The following NUBPL variants were observed in gnomAD, a reference collection of about 807,000 sequenced individuals.
NUBPL encodes the protein NUBP iron-sulfur cluster assembly factor, mitochondrial.
Under a neutral mutation model 45.7 loss-of-function variants are expected in NUBPL, and 31 were observed. That is an observed-to-expected ratio of 0.68 (90% CI 0.51 to 0.92). NUBPL has a LOEUF of 0.92. NUBPL is among the 40% of genes least tolerant of loss of function. NUBPL has a pLI of 0.00. For synonymous variants in NUBPL, 144 were observed against 140.9 expected (o/e 1.02, Z -0.15); for missense variants, 401 against 398.7 (o/e 1.01, Z -0.05).
At position 31,769,059 on chromosome 14, in the gene NUBPL, G is replaced by A. The variant is rs78185990; in HGVS notation, c.514-18721G>A. Reference sequence around the variant, plus strand: ...CAAAAAAGAGGACAGGGAGTGGGCCGATACAGAGTTGTTAGGAATTCTCAT... The same window carrying A: ...CAAAAAAGAGGACAGGGAGTGGGCCAATACAGAGTTGTTAGGAATTCTCAT... On this transcript the variant is annotated intron_variant, in intron 6 of 10. Coordinates refer to ENST00000281081, the MANE Select transcript of NUBPL (RefSeq NM_025152.3). Among the ~76,000 whole-genome samples the A allele has an allele frequency of 4.4e-4, 67 of 152,272 alleles. 2 individuals are homozygous for A. In the East Asian group the frequency reaches 0.013, roughly 29 times the overall value.
chr14:31,677,514 A>T (rs565701809), intron 6 of NUBPL, among the ~76,000 whole-genome samples: 4 of 152,352 alleles, frequency 2.6e-5, no homozygotes, highest in African/African-American at 7.2e-5. Context: ...TATCTGCTTT[A>T]GGGGGCACCC....
chr14:31,732,056 G>T (rs12433797), intron 6 of NUBPL, among the ~76,000 whole-genome samples: 1 of 151,580 alleles, frequency 6.6e-6, no homozygotes, highest in Admixed American at 6.6e-5. Context: ...CAAAAAAGCC[G>T]GGCATGGTGT....
At chr14:31,591,451 T>A (rs2034140885) in intron 3 of NUBPL, among the ~76,000 whole-genome samples, 1 of 152,144 alleles carries the variant, frequency 6.6e-6, no homozygotes, top group Non-Finnish European at 1.5e-5. Flanking sequence ...CATGAGCCAC[T>A]GCGCCCAGCC....
rs749672974 is a variant in NUBPL, at chr14:31,562,157, T to A, written c.198T>A (p.Val66=). 43 of 1,613,986 alleles carry A rather than the reference T, an allele frequency of 2.7e-5. No homozygotes were observed. Among genetic ancestry groups the A allele is most frequent in the Admixed American group, 1.3e-4 (8 of 60,006 alleles). The part of the protein sequence containing the change: ...GLPKQKPIEG[V]KQVIVVASGK... ...CAAAGCAGAAACCGATAGAAGGTGT[T>A]AAACAAGTTATAGTTGTGGCTTCTG... The change falls in exon 2 of 11, where the codon GTT becomes GTA. Residue 66 remains valine, a synonymous_variant. Transcript: ENST00000281081.
chr14:31,593,177 A>G (rs2034188458), intron 3 of NUBPL, among the ~76,000 whole-genome samples: 1 of 152,156 alleles, frequency 6.6e-6, no homozygotes, highest in Non-Finnish European at 1.5e-5. Context: ...ATACGAGAGG[A>G]TGTGTACAGG....
chr14:31,739,220 A>ATAT (rs1208064181), intron 6 of NUBPL, among the ~76,000 whole-genome samples: 3 of 21,030 alleles, frequency 1.4e-4, no homozygotes, highest in African/African-American at 5.0e-4. Flanking sequence ...ATATTATATT[A>ATAT]TATATATATA....
intron 4 of NUBPL, among the ~76,000 whole-genome samples, chr14:31,621,822 A>G (rs1341199214): frequency 6.6e-6 from 1 of 152,194 alleles, no homozygotes; most frequent in Non-Finnish European, 1.5e-5. Flanking sequence ...AAAATGGACT[A>G]ATACAGGAAA....
At chr14:31,825,266 A>G (rs2040078581) in intron 7 of NUBPL, among the ~76,000 whole-genome samples, 1 of 152,034 alleles carries the variant, frequency 6.6e-6, no homozygotes, top group Admixed American at 6.6e-5. Context: ...TGTTTCTCCT[A>G]TGTCTAGCTT....
intron 3 of NUBPL, among the ~76,000 whole-genome samples, chr14:31,585,043 G>C (rs1010377990): frequency 6.6e-6 from 1 of 152,130 alleles, no homozygotes; most frequent in Non-Finnish European, 1.5e-5. Flanking sequence ...AGGGGACACA[G>C]ATATTCAGTC....
chr14:31,673,561 A>G lies in NUBPL; in HGVS notation c.500A>G (p.Lys167Arg). The change falls in exon 6 of 11, where the codon AAA becomes AGA. Residue 167 changes from lysine (K) to arginine (R), a missense_variant. Coordinates refer to ENST00000281081, the MANE Select transcript of NUBPL (RefSeq NM_025152.3). The stretch of plus-strand genomic sequence containing the variant: ...CTTATGGTAATGTCGGCCATTGAGA[A>G]ATTGTTGAGGCAGGTAAGAATATTG... ...RGLMVMSAIEKLLRQVDWGQL... is the reference protein window; with the variant it reads ...RGLMVMSAIERLLRQVDWGQL... 2 of 1,613,584 alleles carry G rather than the reference A, an allele frequency of 1.2e-6. No homozygotes were observed. Among genetic ancestry groups the G allele is most frequent in the Non-Finnish European group, 1.7e-6 (2 of 1,179,608 alleles).
intron 6 of NUBPL, chr14:31,771,871 C>A (rs573157328): frequency 1.0e-6 from 1 of 985,294 alleles, no homozygotes; most frequent in Admixed American, 6.1e-5. Context: ...CCACAGATGG[C>A]AGGTAGGTGG....
At position 31,601,478 on chromosome 14, in the gene NUBPL, G is replaced by A. The variant is rs189939507; in HGVS notation, c.382+2099G>A. ...CTTGAAGAGGTCCTTCACATCCCTTGTAAGTTGGATTCCTAGGTATTTTAT... is the reference window on the plus strand; with the variant it reads ...CTTGAAGAGGTCCTTCACATCCCTTATAAGTTGGATTCCTAGGTATTTTAT... On this transcript the variant is annotated intron_variant, in intron 4 of 10. Transcript: ENST00000281081. Among the ~76,000 whole-genome samples, 973 of 152,078 alleles carry A rather than the reference G, an allele frequency of 6.4e-3. 9 individuals are homozygous for A. Among genetic ancestry groups the A allele is most frequent in the African/African-American group, 0.022 (910 of 41,466 alleles).
intron 4 of NUBPL, 120 bp from the exon 5 acceptor site, chr14:31,673,225 TGTACCCCGTA>T (rs1437983944): frequency 1.4e-6 from 1 of 698,768 alleles, no homozygotes; most frequent in Non-Finnish European, 2.5e-6. Flanking sequence ...AACATTACGT[TGTACCCCGTA>T]AACATATGCA....
chr14:31,818,787 A>T (rs562298264), intron 7 of NUBPL, among the ~76,000 whole-genome samples: 1 of 152,288 alleles, frequency 6.6e-6, no homozygotes, highest in East Asian at 1.9e-4. Context: ...TGACCTTGTG[A>T]TCTGCCTGCC....
chr14:31,703,906 GCACA>G (rs1340897753), intron 6 of NUBPL, among the ~76,000 whole-genome samples: 4 of 146,004 alleles, frequency 2.7e-5, no homozygotes, highest in South Asian at 4.7e-4. Context: ...TCTCTGCCTG[GCACA>G]GCTGCCAAAT....
chr14:31,785,343 C>T (rs2039264991), intron 6 of NUBPL, among the ~76,000 whole-genome samples: 1 of 152,226 alleles, frequency 6.6e-6, no homozygotes, highest in Admixed American at 6.5e-5. Flanking sequence ...TAGGAACTGA[C>T]TGCACAGCAA....
At chr14:31,660,954 T>C (rs1316877063) in intron 4 of NUBPL, among the ~76,000 whole-genome samples, 1 of 152,220 alleles carries the variant, frequency 6.6e-6, no homozygotes, top group Non-Finnish European at 1.5e-5. Flanking sequence ...AATAGGAAGA[T>C]GTAAAGCAGC....
chr14:31,666,085 T>C (rs1159394220), intron 4 of NUBPL, among the ~76,000 whole-genome samples: 1 of 151,150 alleles, frequency 6.6e-6, no homozygotes, highest in East Asian at 1.9e-4. Flanking sequence ...TGGTAAATAT[T>C]CCTCCATCCC....
intron 7 of NUBPL, among the ~76,000 whole-genome samples, chr14:31,806,535 C>CAGT (rs2039689858): frequency 6.6e-6 from 1 of 152,070 alleles, no homozygotes; most frequent in African/African-American, 2.4e-5. Context: ...GTTTGCTGAT[C>CAGT]AGTATAAAGA....
Sources: allele counts gnomAD v4.1 joint callset (sites outside exome capture counted in the v4.1 genomes callset), GRCh38; gene constraint gnomAD v4.1.1; transcripts MANE v1.5; gene names NCBI Gene and HGNC (gene_info 2026-07-23, HGNC 2026-07-21).